DSCAM: variants seen among roughly 807,000 people sequenced by gnomAD.
DSCAM encodes the protein cell adhesion molecule DSCAM.
DSCAM carries 47 observed loss-of-function variants against 217.7 expected under a neutral mutation model. The observed-to-expected ratio is 0.22, with a 90% CI of 0.17 to 0.28. The LOEUF (loss-of-function observed/expected upper bound fraction) is 0.28. Ranked by LOEUF, DSCAM falls within the 10% of genes least tolerant of loss-of-function variation. The probability of loss-of-function intolerance (pLI) is 1.00; values close to 1 mark genes in which losing one functional copy is unlikely to be tolerated. For missense variants in DSCAM, 2,080 were observed against 2,618.3 expected (o/e 0.79, Z 4.49); for synonymous variants, 1,056 against 1,015.3 (o/e 1.04, Z -0.76).
rs532879262 is a variant in DSCAM at position 40,205,088 on chromosome 21, A to G, written c.2357-15850T>C. 3.3e-5 allele frequency among the ~76,000 whole-genome samples: 5 copies of G among 152,312 alleles called. No individual in the cohort carries two copies. The East Asian group carries it at 9.6e-4, about 29-fold the overall frequency. ...ACTGTTAATCAGGAGGTATTTTATGACCCAGCAACTCTCAGGGGGTTTTTA... is the reference window on the plus strand; with the variant it reads ...ACTGTTAATCAGGAGGTATTTTATGGCCCAGCAACTCTCAGGGGGTTTTTA... On this transcript the variant is annotated intron_variant, in intron 11 of 32. Transcript: ENST00000400454.
intron 1 of DSCAM, among the ~76,000 whole-genome samples, chr21:40,712,761 T>C (rs1009798915): frequency 4.6e-5 from 7 of 152,052 alleles, no homozygotes; most frequent in Admixed American, 2.0e-4. Flanking sequence ...TTTAAGTAGA[T>C]TGGAATTACC....
intron 3 of DSCAM, among the ~76,000 whole-genome samples, chr21:40,564,447 T>A (rs1349203814): frequency 6.6e-6 from 1 of 152,194 alleles, no homozygotes; most frequent in African/African-American, 2.4e-5. Context: ...GCAGTGTTGC[T>A]TTATTTACTC....
chr21:40,325,303 A>G (rs2074305442), intron 8 of DSCAM, among the ~76,000 whole-genome samples: 1 of 152,200 alleles, frequency 6.6e-6, no homozygotes, highest in African/African-American at 2.4e-5. Context: ...CATTTAATAA[A>G]TATTGGGATA....
chr21:40,790,383 T>G (rs1486757525), intron 1 of DSCAM, among the ~76,000 whole-genome samples: 1 of 152,158 alleles, frequency 6.6e-6, no homozygotes, highest in Admixed American at 6.5e-5. Context: ...GGTTTCGCCG[T>G]GTTGGCCAGG....
intron 1 of DSCAM, among the ~76,000 whole-genome samples, chr21:40,732,683 T>G (rs2091024751): frequency 6.6e-6 from 1 of 152,254 alleles, no homozygotes; most frequent in Admixed American, 6.5e-5. Flanking sequence ...TAGCTACTTG[T>G]ATCATAAAAC....
chr21:40,758,203 C>T (rs2091295215), intron 1 of DSCAM, among the ~76,000 whole-genome samples: 1 of 152,096 alleles, frequency 6.6e-6, no homozygotes, highest in Admixed American at 6.5e-5. Flanking sequence ...GTGCTCACAC[C>T]TTGACTTTAG....
chr21:40,577,855 A>T (rs761926406), intron 3 of DSCAM, among the ~76,000 whole-genome samples: 11 of 152,118 alleles, frequency 7.2e-5, no homozygotes, highest in East Asian at 5.8e-4. Context: ...ATCAGACGAA[A>T]TCCTGGGAAC....
At chr21:40,188,900 G>GT in intron 12 of DSCAM, 142 bp downstream of exon 12, 1 of 803,698 alleles carries the variant, frequency 1.2e-6, no homozygotes, top group Non-Finnish European at 2.0e-6. Context: ...TAATCTCGCT[G>GT]TGTGAAAGGG....
intron 1 of DSCAM, among the ~76,000 whole-genome samples, chr21:40,823,488 G>A (rs1406081069): frequency 3.3e-5 from 5 of 152,038 alleles, no homozygotes; most frequent in Non-Finnish European, 7.4e-5. Flanking sequence ...ATATGAATGA[G>A]GGAAAATGGA....
chr21:40,556,962 G>A (rs1336670332), intron 3 of DSCAM, among the ~76,000 whole-genome samples: 2 of 152,166 alleles, frequency 1.3e-5, no homozygotes, highest in Non-Finnish European at 2.9e-5. Flanking sequence ...TGGTCTTGCT[G>A]TCTCTGGGGT....
chr21:40,524,656 CAG>C (rs1258169186), intron 3 of DSCAM, among the ~76,000 whole-genome samples: 3 of 152,002 alleles, frequency 2.0e-5, no homozygotes, highest in African/African-American at 7.3e-5. Context: ...ATAATAGACT[CAG>C]GGAAAACTTT....
intron 1 of DSCAM, among the ~76,000 whole-genome samples, chr21:40,804,048 C>G (rs1299208264): frequency 6.8e-6 from 1 of 146,730 alleles, no homozygotes; most frequent in Admixed American, 6.6e-5. Flanking sequence ...CTTTAAACCA[C>G]CCCTCCATCA....
rs7277328 is a variant in DSCAM at position 40,409,955 on chromosome 21, A to G, written c.509-40710T>C. ...GCTGACATCCACTAAACAATTACAA[A>G]ACATGTCTAAAGCAGAAATATGTAT... On this transcript the variant is annotated intron_variant, in intron 3 of 32. Coordinates refer to ENST00000400454, the MANE Select transcript of DSCAM (RefSeq NM_001389.5). Among the ~76,000 whole-genome samples the G allele has an allele frequency of 7.2e-5, 11 of 152,340 alleles. 1 individual carries two copies. The highest frequency in any genetic ancestry group is 2.4e-4 in the African/African-American group (10 of 41,578).
At chr21:40,662,768 C>G (rs1401613007) in intron 3 of DSCAM, among the ~76,000 whole-genome samples, 1 of 152,176 alleles carries the variant, frequency 6.6e-6, no homozygotes, top group Non-Finnish European at 1.5e-5. Flanking sequence ...AAGTCGGCTT[C>G]TGCCACCAGG....
Position 40,044,148 on chromosome 21 carries a change from T to C in DSCAM, c.5313A>G (p.Pro1771=). The change falls in exon 31 of 33, where the codon CCA becomes CCG. Residue 1771 remains proline, a synonymous_variant. Coordinates refer to ENST00000400454, the MANE Select transcript of DSCAM (RefSeq NM_001389.5). The stretch of plus-strand genomic sequence containing the variant: ...CTACTGATCCTGCAGCCCTGGGTGT[T>C]GGCAGCCTCCAGTCTGTGGTGAGGG... ...AHTLTTDWRL[P]TPRAAGSVDK... The C allele has an allele frequency of 1.2e-6, 2 of 1,614,142 alleles. No individual in the cohort carries two copies. Among genetic ancestry groups the C allele is most frequent in the South Asian group, 1.1e-5 (1 of 91,078 alleles).
chr21:40,347,970 G>A (rs779312277), intron 5 of DSCAM, 25 bp from the exon 6 acceptor site: 1 of 1,591,230 alleles, frequency 6.3e-7, no homozygotes, highest in Admixed American at 1.8e-5. Flanking sequence ...AAGAGAGAGA[G>A]AAAAAAGATA....
At chr21:40,439,007 G>C (rs2075608345) in intron 3 of DSCAM, among the ~76,000 whole-genome samples, 1 of 152,076 alleles carries the variant, frequency 6.6e-6, no homozygotes, top group Admixed American at 6.5e-5. Context: ...GTATCATAAA[G>C]TAGAAGTACC....
At chr21:40,536,262 C>T (rs1183562495) in intron 3 of DSCAM, among the ~76,000 whole-genome samples, 1 of 152,170 alleles carries the variant, frequency 6.6e-6, no homozygotes, top group Non-Finnish European at 1.5e-5. Flanking sequence ...TGTTGAAGTC[C>T]TAACCCCAAG....
intron 18 of DSCAM, among the ~76,000 whole-genome samples, chr21:40,136,226 T>C (rs375066992): frequency 1.3e-5 from 2 of 152,262 alleles, no homozygotes; most frequent in South Asian, 2.1e-4. Flanking sequence ...CCCAGATGGA[T>C]TGGAAATTCT....
Sources: gnomAD v4.1 joint callset for allele counts (sites outside exome capture counted in the v4.1 genomes callset) on GRCh38, gnomAD v4.1.1 for gene constraint, MANE v1.5 for transcripts, NCBI Gene and HGNC (gene_info 2026-07-23, HGNC 2026-07-21) for gene names.